Variants in CACNA1C observed in about 807,000 individuals in gnomAD.
The protein encoded by CACNA1C is voltage-dependent L-type calcium channel subunit alpha-1C.
CACNA1C carries 30 observed loss-of-function variants against 229.0 expected under a neutral mutation model. The ratio of observed to expected loss-of-function variants is 0.13; its 90% CI spans 0.10 to 0.18. The LOEUF (loss-of-function observed/expected upper bound fraction) is 0.18, where lower values mean the gene tolerates loss of function less well. Ranked by LOEUF, CACNA1C falls within the 10% of genes least tolerant of loss-of-function variation. CACNA1C has a pLI of 1.00. For synonymous variants in CACNA1C, 1,114 were observed against 1,132.5 expected, an observed-to-expected ratio of 0.98 and a Z score of 0.33; for missense variants, 1,658 against 2,845.0, an observed-to-expected ratio of 0.58 and a Z score of 9.49.
intron 3 of CACNA1C, among the ~76,000 whole-genome samples, chr12:2,209,286 C>T (rs1189870508): frequency 6.6e-6 from 1 of 152,192 alleles, no homozygotes; most frequent in Non-Finnish European, 1.5e-5. Flanking sequence ...CCAGTATGGT[C>T]TGAAAGAAAA....
At chr12:2,237,859 C>T (rs768048271) in intron 3 of CACNA1C, among the ~76,000 whole-genome samples, 3 of 152,166 alleles carry the variant, frequency 2.0e-5, no homozygotes, top group African/African-American at 7.2e-5. Context: ...ACAAATGTGC[C>T]GTCAGTCCAA....
intron 1 of CACNA1C, among the ~76,000 whole-genome samples, chr12:2,077,629 G>A (rs929076551): frequency 6.6e-6 from 1 of 152,212 alleles, no homozygotes; most frequent in Non-Finnish European, 1.5e-5. Context: ...GCCCATAGAA[G>A]TTTGGAGCTG....
intron 3 of CACNA1C, among the ~76,000 whole-genome samples, chr12:2,368,010 G>GGTAA (rs2097766524): frequency 6.6e-6 from 1 of 152,074 alleles, no homozygotes. Flanking sequence ...TTCACAGTTA[G>GGTAA]GTAAGACACA....
At chr12:1,974,847 G>A (rs138575716) in intron 1 of CACNA1C, among the ~76,000 whole-genome samples, 5 of 152,204 alleles carry the variant, frequency 3.3e-5, no homozygotes, top group Admixed American at 2.6e-4. Context: ...TATAATCGCA[G>A]TTTTTGAGAA....
At chr12:2,455,610 G>A (rs1267815371) in intron 4 of CACNA1C, among the ~76,000 whole-genome samples, 1 of 152,044 alleles carries the variant, frequency 6.6e-6, no homozygotes, top group African/African-American at 2.4e-5. Flanking sequence ...CTATCCTCAC[G>A]GCCTCCCACT....
intron 3 of CACNA1C, among the ~76,000 whole-genome samples, chr12:2,290,091 A>G (rs924727660): frequency 3.9e-5 from 6 of 152,230 alleles, no homozygotes. Flanking sequence ...GAAGCGATTC[A>G]GGGGAAGTTC....
chr12:2,626,857 T>C (rs1258279256), intron 29 of CACNA1C, among the ~76,000 whole-genome samples: 1 of 152,202 alleles, frequency 6.6e-6, no homozygotes, highest in African/African-American at 2.4e-5. Context: ...CTTGCATAGT[T>C]ACAGGCCTCT....
intron 8 of CACNA1C, among the ~76,000 whole-genome samples, chr12:2,509,300 A>G (rs974116667): frequency 2.6e-5 from 4 of 152,046 alleles, no homozygotes; most frequent in Non-Finnish European, 4.4e-5. Flanking sequence ...AGATGGCCCA[A>G]CATACACAGT....
chr12:2,249,244 G>A (rs2074573386), intron 3 of CACNA1C, among the ~76,000 whole-genome samples: 2 of 152,192 alleles, frequency 1.3e-5, no homozygotes, highest in African/African-American at 4.8e-5. Context: ...CTGGGTCATG[G>A]TGAGGGGAAG....
intron 3 of CACNA1C, among the ~76,000 whole-genome samples, chr12:2,148,140 G>A (rs559394168): frequency 1.3e-5 from 2 of 151,320 alleles, no homozygotes; most frequent in Admixed American, 6.6e-5. Context: ...AAAGATGTGA[G>A]AAAAAGCCTA....
chr12:1,974,881 T>G (rs1212297452), intron 1 of CACNA1C, among the ~76,000 whole-genome samples: 1 of 152,192 alleles, frequency 6.6e-6, no homozygotes, highest in Admixed American at 6.5e-5. Context: ...CATGTCTATT[T>G]ATGCTTAAGC....
intron 1 of CACNA1C, among the ~76,000 whole-genome samples, chr12:2,076,202 G>T (rs1227081538): frequency 6.6e-6 from 1 of 152,088 alleles, no homozygotes; most frequent in East Asian, 1.9e-4. Flanking sequence ...TTTCTCCAAC[G>T]TGCTCACATG....
At chr12:2,049,905 A>G (rs993438307), upstream of CACNA1C, among the ~76,000 whole-genome samples, 2 of 152,226 alleles carry the variant, frequency 1.3e-5, no homozygotes, top group African/African-American at 4.8e-5. Context: ...ATGGGCGTAT[A>G]CTGCAAGACC....
chr12:2,400,182 G>T lies in CACNA1C; in HGVS notation c.478-48794G>T, dbSNP rs2098657436. Reference sequence around the variant, plus strand: ...CCATTTTACACAGCTAAGAACTGAGGCTCGGGAAAGTTAAATAACATGGAT... The same window carrying T: ...CCATTTTACACAGCTAAGAACTGAGTCTCGGGAAAGTTAAATAACATGGAT... On this transcript the variant is annotated intron_variant, in intron 3 of 46. Coordinates refer to ENST00000399655, the MANE Select transcript of CACNA1C (RefSeq NM_000719.7). 2.6e-5 allele frequency among the ~76,000 whole-genome samples: 4 copies of T among 152,258 alleles called. No homozygotes were observed. In the South Asian group the frequency reaches 6.2e-4, roughly 24 times the overall value.
At chr12:2,590,502 T>A (rs752527416) in intron 18 of CACNA1C, among the ~76,000 whole-genome samples, 2 of 152,184 alleles carry the variant, frequency 1.3e-5, no homozygotes, top group Admixed American at 6.5e-5. Context: ...TCCCTCCTCA[T>A]CCATAATACC....
Position 2,595,817 on chromosome 12 carries a change from G to A in CACNA1C, c.2664-57G>A, listed in dbSNP as rs2067899147. On this transcript the variant is annotated intron_variant, in intron 19 of 46. Coordinates refer to ENST00000399655, the MANE Select transcript of CACNA1C (RefSeq NM_000719.7). The surrounding 1 kb of genome is among the most constrained non-coding windows in gnomAD (Gnocchi z 4.1). ...GGAGAGGGGCTCCCAAGAGCCGACTGGTGCTTCCCCTTGTCTGCCTTGACT... is the reference window on the plus strand; with the variant it reads ...GGAGAGGGGCTCCCAAGAGCCGACTAGTGCTTCCCCTTGTCTGCCTTGACT... 2.0e-5 allele frequency: 31 copies of A among 1,579,206 alleles called. No individual in the cohort carries two copies. Among genetic ancestry groups the A allele is most frequent in the Admixed American group, 3.4e-5 (2 of 58,826 alleles).
At chr12:2,625,091 C>G (rs1011294644) in intron 29 of CACNA1C, among the ~76,000 whole-genome samples, 2 of 152,102 alleles carry the variant, frequency 1.3e-5, no homozygotes, top group South Asian at 2.1e-4. Flanking sequence ...GACCTTCCCC[C>G]GCTCCCCCCG....
rs1235798154 is a variant in CACNA1C, at chr12:2,504,209, A to G, written c.1114-633A>G. On this transcript the variant is annotated intron_variant, in intron 7 of 46. Coordinates refer to ENST00000399655, the MANE Select transcript of CACNA1C (RefSeq NM_000719.7). This position sits in a 1 kb window ranked among gnomAD's most constrained non-coding sequence, Gnocchi z 6.8. ...TTTTTCAGAAAATAAAACCACAGAGAGACAGAGTGATTCCTCTTGAGGCAG... is the reference window on the plus strand; with the variant it reads ...TTTTTCAGAAAATAAAACCACAGAGGGACAGAGTGATTCCTCTTGAGGCAG... Among the ~76,000 whole-genome samples the G allele has an allele frequency of 6.6e-6, 1 of 152,226 alleles. No homozygotes were observed. The highest frequency in any genetic ancestry group is 1.5e-5 in the Non-Finnish European group (1 of 68,034).
At chr12:2,264,121 T>G (rs1407056123) in intron 3 of CACNA1C, among the ~76,000 whole-genome samples, 1 of 152,108 alleles carries the variant, frequency 6.6e-6, no homozygotes, top group Admixed American at 6.5e-5. Context: ...GAGGCAGGGC[T>G]CAAAGCTTAC....
Sources: allele counts gnomAD v4.1 joint callset (sites outside exome capture counted in the v4.1 genomes callset), GRCh38; gene constraint gnomAD v4.1.1; non-coding constraint Gnocchi (gnomAD v3.1); transcripts MANE v1.5; gene names NCBI Gene and HGNC (gene_info 2026-07-23, HGNC 2026-07-21).